The following TYR variants were observed in gnomAD, a reference collection of about 807,000 sequenced individuals.
TYR encodes the protein LB24-AB.
A neutral mutation model predicts 51.5 loss-of-function variants in TYR; 58 were observed. The ratio of observed to expected loss-of-function variants is 1.13; its 90% CI spans 0.91 to 1.40. TYR has a LOEUF of 1.40. Among genes scored for constraint, TYR ranks in the 40% most tolerant of loss-of-function variants. The pLI, the probability that TYR is intolerant of heterozygous loss-of-function variation, is 0.00. For missense variants in TYR, 732 were observed against 647.4 expected, an observed-to-expected ratio of 1.13 and a Z score of -1.42; for synonymous variants, 263 against 235.2, an observed-to-expected ratio of 1.12 and a Z score of -1.08.
chr11:89,249,722 A>C (rs556303516), intron 3 of TYR, among the ~76,000 whole-genome samples: 1 of 152,170 alleles, frequency 6.6e-6, no homozygotes, highest in African/African-American at 2.4e-5. Context: ...ATGAACAAGA[A>C]AGGAGGATTT....
chr11:89,207,198 A>C (rs1193350300), intron 2 of TYR, among the ~76,000 whole-genome samples: 1 of 152,048 alleles, frequency 6.6e-6, no homozygotes, highest in Non-Finnish European at 1.5e-5. Context: ...GGTTTTTGGG[A>C]AATATTAATA....
intron 3 of TYR, chr11:89,283,718 C>T (rs1944746740): frequency 6.6e-6 from 1 of 151,802 alleles, no homozygotes; most frequent in African/African-American, 2.4e-5. Context: ...AATGCAAAGC[C>T]ATTCTCTTTG....
At chr11:89,215,109 G>A (rs551294973) in intron 2 of TYR, among the ~76,000 whole-genome samples, 2 of 152,146 alleles carry the variant, frequency 1.3e-5, no homozygotes, top group South Asian at 4.1e-4. Flanking sequence ...AGAAGCATAA[G>A]CAAACCAGAA....
intron 3 of TYR, among the ~76,000 whole-genome samples, chr11:89,242,218 T>C (rs1247612830): frequency 6.6e-6 from 1 of 152,156 alleles, no homozygotes; most frequent in African/African-American, 2.4e-5. Context: ...TTGTTTGTTA[T>C]GTTTTTTGAG....
chr11:89,206,148 G>A (rs967426050), intron 2 of TYR, among the ~76,000 whole-genome samples: 6 of 151,924 alleles, frequency 3.9e-5, no homozygotes, highest in Non-Finnish European at 5.9e-5. Flanking sequence ...ATAGGTTTAA[G>A]CCATAACATT....
At chr11:89,188,865 A>T (rs1385131783) in intron 1 of TYR, among the ~76,000 whole-genome samples, 3 of 151,980 alleles carry the variant, frequency 2.0e-5, no homozygotes, top group African/African-American at 4.8e-5. Context: ...GAAGTTATAG[A>T]AGAGAGGGAA....
At chr11:89,239,165 C>T (rs1408155339) in intron 3 of TYR, among the ~76,000 whole-genome samples, 2 of 152,118 alleles carry the variant, frequency 1.3e-5, no homozygotes, top group Non-Finnish European at 2.9e-5. Context: ...TGTATTAGTT[C>T]TTTAAATGTT....
At chr11:89,221,047 A>G (rs1943905687) in intron 2 of TYR, among the ~76,000 whole-genome samples, 1 of 152,182 alleles carries the variant, frequency 6.6e-6, no homozygotes, top group African/African-American at 2.4e-5. Context: ...GTGATTTGTC[A>G]TTGTCTTTGT....
At position 89,268,481 on chromosome 11, in the gene TYR, G is replaced by T. The variant is rs375775405; in HGVS notation, c.1185-16292G>T. 2.0e-4 allele frequency among the ~76,000 whole-genome samples: 30 copies of T among 151,966 alleles called. No individual in the cohort carries two copies. In the East Asian group the frequency reaches 5.3e-3, roughly 27 times the overall value. On this transcript the variant is annotated intron_variant, in intron 3 of 4. Coordinates refer to ENST00000263321, the MANE Select transcript of TYR (RefSeq NM_000372.5). ...TGTTAAATGAAGAGAAATTTTGGAAGAAAGAGAGGCAGCATAGCCATCTTA... is the reference window on the plus strand; with the variant it reads ...TGTTAAATGAAGAGAAATTTTGGAATAAAGAGAGGCAGCATAGCCATCTTA...
chr11:89,258,317 G>T (rs1373794285), intron 3 of TYR, among the ~76,000 whole-genome samples: 1 of 151,658 alleles, frequency 6.6e-6, no homozygotes, highest in African/African-American at 2.4e-5. Context: ...ATCAAATCAG[G>T]CAAGAACAAA....
intron 3 of TYR, among the ~76,000 whole-genome samples, chr11:89,259,838 G>T (rs564602744): frequency 1.3e-5 from 2 of 152,136 alleles, no homozygotes; most frequent in South Asian, 4.2e-4. Context: ...TACCACTGTT[G>T]TTATACTGAA....
chr11:89,266,158 G>T (rs1944524142), intron 3 of TYR, among the ~76,000 whole-genome samples: 1 of 151,872 alleles, frequency 6.6e-6, no homozygotes, highest in Non-Finnish European at 1.5e-5. Flanking sequence ...TATCTTCTTT[G>T]TTCATTAGGC....
At chr11:89,275,339 A>C (rs1337720366) in intron 3 of TYR, among the ~76,000 whole-genome samples, 1 of 151,882 alleles carries the variant, frequency 6.6e-6, no homozygotes, top group African/African-American at 2.4e-5. Flanking sequence ...ATTCCTAATT[A>C]CTAATTTCTT....
At chr11:89,287,662 G>T (rs1944805883) in intron 4 of TYR, among the ~76,000 whole-genome samples, 2 of 151,920 alleles carry the variant, frequency 1.3e-5, no homozygotes, top group Non-Finnish European at 1.5e-5. Context: ...ACATGGTTAT[G>T]AATTTGGGCC....
chr11:89,257,432 CT>C (rs1247422778), intron 3 of TYR, among the ~76,000 whole-genome samples: 2 of 151,876 alleles, frequency 1.3e-5, no homozygotes, highest in Non-Finnish European at 2.9e-5. Flanking sequence ...TTAATTATTC[CT>C]TTCTGATTAA....
At chr11:89,286,951 A>C (rs1361398709) in intron 4 of TYR, among the ~76,000 whole-genome samples, 2 of 151,832 alleles carry the variant, frequency 1.3e-5, no homozygotes, top group African/African-American at 2.4e-5. Context: ...CATTTCCAAA[A>C]CACGCTAGAC....
chr11:89,251,566 T>A (rs1317033826), intron 3 of TYR, among the ~76,000 whole-genome samples: 8 of 151,824 alleles, frequency 5.3e-5, no homozygotes, highest in Admixed American at 3.3e-4. Context: ...AAAGAGGAAA[T>A]GGCAGCTGAA....
intron 3 of TYR, among the ~76,000 whole-genome samples, chr11:89,251,105 A>T (rs1944326530): frequency 6.6e-6 from 1 of 151,990 alleles, no homozygotes; most frequent in Non-Finnish European, 1.5e-5. Flanking sequence ...ACATTAAAGC[A>T]TGTTGAAATG....
chr11:89,271,282 G>C (rs557530536), intron 3 of TYR, among the ~76,000 whole-genome samples: 67 of 151,854 alleles, frequency 4.4e-4, no homozygotes, highest in Non-Finnish European at 8.4e-4. Context: ...TACAGTGCAA[G>C]CATAACTCTA....
Sources: gnomAD v4.1 joint callset for allele counts (sites outside exome capture counted in the v4.1 genomes callset) on GRCh38, gnomAD v4.1.1 for gene constraint, MANE v1.5 for transcripts, NCBI Gene and HGNC (gene_info 2026-07-23, HGNC 2026-07-21) for gene names.